Variants in DLC1 observed in about 807,000 individuals in gnomAD.
DLC1 encodes the protein rho GTPase-activating protein 7.
In DLC1, 54 loss-of-function variants were observed where a neutral mutation model predicts 140.3. The observed-to-expected ratio is 0.38, with a 90% CI of 0.31 to 0.48. DLC1 has a LOEUF of 0.48. Ranked by LOEUF, DLC1 falls within the 20% of genes least tolerant of loss-of-function variation. DLC1 has a pLI of 0.96. For missense variants in DLC1, 2,536 were observed against 1,907.0 expected, an observed-to-expected ratio of 1.33 and a Z score of -6.14; for synonymous variants, 986 against 728.1, an observed-to-expected ratio of 1.35 and a Z score of -5.70.
chr8:13,318,297 G>T (rs372707416), intron 4 of DLC1, among the ~76,000 whole-genome samples: 1 of 151,560 alleles, frequency 6.6e-6, no homozygotes, highest in South Asian at 2.1e-4. Flanking sequence ...GCTTCCCAAA[G>T]TTCTGGGATT....
rs1009701584 is a variant in DLC1 at position 13,499,618 on chromosome 8, G to A, written c.454C>T (p.Pro152Ser). 3 of 1,614,022 alleles carry A rather than the reference G, an allele frequency of 1.9e-6. No individual in the cohort carries two copies. Among genetic ancestry groups the A allele is most frequent in the African/African-American group, 2.7e-5 (2 of 74,906 alleles). ...GAAACTTGGTTACTTTGTATGATGG[G>A]CAGTGCCTTTTCTAAGGAGCCTGCT... The part of the protein sequence containing the change: ...QGAGSLEKAL[P>S]IIQSNQVSSN... The change falls in exon 2 of 18, where the codon CCC (proline) becomes TCC (serine). Residue 152 changes from proline to serine, a missense_variant. By Grantham distance (74) the Pro-to-Ser change is moderately conservative. Transcript: ENST00000276297.
chr8:13,428,927 G>A (rs1055257350), intron 2 of DLC1, among the ~76,000 whole-genome samples: 1 of 152,168 alleles, frequency 6.6e-6, no homozygotes. Context: ...CAACCTGGTG[G>A]GGTGAGAGAA....
intron 1 of DLC1, among the ~76,000 whole-genome samples, chr8:13,550,319 C>T (rs1803802624): frequency 3.3e-5 from 5 of 152,078 alleles, no homozygotes; most frequent in Admixed American, 2.0e-4. Context: ...TCCTTGCTTC[C>T]CCTTTGTCTT....
In DLC1 at chr8:13,100,144, C is replaced by A. The variant is rs765217960; in HGVS notation, c.2193G>T (p.Lys731Asn). 6.2e-7 allele frequency: 1 copy of A among 1,614,166 alleles called. No individual in the cohort carries two copies. Among genetic ancestry groups the A allele is most frequent in the African/African-American group, 1.3e-5 (1 of 75,058 alleles). The change falls in exon 9 of 18, where the codon AAG (lysine) becomes AAT (asparagine). Residue 731 changes from lysine to asparagine, a missense_variant. By Grantham distance (94) the Lys-to-Asn change is moderately conservative. Transcript: ENST00000276297. ...GNRINVPMVR[K>N]RSVSNSTQTS... ...TCTGCGTGGAGTTGGAAACGCTCCT[C>A]TTTCGTACCATGGGGACGTTGATGC...
intron 2 of DLC1, among the ~76,000 whole-genome samples, chr8:13,472,103 G>A (rs1220063218): frequency 6.6e-6 from 1 of 152,182 alleles, no homozygotes; most frequent in East Asian, 1.9e-4. Context: ...GCTACATGAG[G>A]CAGTTCCTGG....
intron 5 of DLC1, among the ~76,000 whole-genome samples, chr8:13,302,735 C>T (rs1832251631): frequency 6.7e-6 from 1 of 149,384 alleles, no homozygotes; most frequent in African/African-American, 2.5e-5. Context: ...AAATGACAGG[C>T]CTTAGGGGCG....
intron 2 of DLC1, among the ~76,000 whole-genome samples, chr8:13,472,909 T>G (rs1227416937): frequency 6.6e-6 from 1 of 152,216 alleles, no homozygotes; most frequent in Non-Finnish European, 1.5e-5. Context: ...GCACTACAGA[T>G]AATCTATCAA....
intron 4 of DLC1, among the ~76,000 whole-genome samples, chr8:13,377,170 C>G (rs573862164): frequency 6.6e-6 from 1 of 152,260 alleles, no homozygotes; most frequent in Non-Finnish European, 1.5e-5. Flanking sequence ...AGTCCAAGGG[C>G]AGCATCTTAT....
intron 5 of DLC1, among the ~76,000 whole-genome samples, chr8:13,209,104 T>A (rs1405210560): frequency 6.6e-6 from 1 of 152,164 alleles, no homozygotes; most frequent in East Asian, 1.9e-4. Context: ...AAACAAATAC[T>A]TCCTTGATAA....
At chr8:13,293,725 T>C (rs1242661037) in intron 5 of DLC1, among the ~76,000 whole-genome samples, 1 of 152,090 alleles carries the variant, frequency 6.6e-6, no homozygotes, top group Non-Finnish European at 1.5e-5. Context: ...AAAGTGCCAC[T>C]TTCAGCTGCA....
chr8:13,516,979 C>G (rs1222205056), upstream of DLC1, among the ~76,000 whole-genome samples: 2 of 152,104 alleles, frequency 1.3e-5, no homozygotes, highest in Admixed American at 1.3e-4. Context: ...CACTTAATTT[C>G]TTTATTAAAT....
intron 4 of DLC1, among the ~76,000 whole-genome samples, chr8:13,359,672 G>T (rs1163286140): frequency 6.6e-6 from 1 of 152,100 alleles, no homozygotes; most frequent in Non-Finnish European, 1.5e-5. Context: ...AAGAAATCTT[G>T]CAAAATCATT....
intron 1 of DLC1, among the ~76,000 whole-genome samples, chr8:13,576,563 A>T (rs945315701): frequency 6.6e-6 from 1 of 152,218 alleles, no homozygotes. Flanking sequence ...GTTCTGAGAG[A>T]GTCGATTGCT....
At chr8:13,537,735 G>A (rs1400118832) in intron 1 of DLC1, among the ~76,000 whole-genome samples, 1 of 139,656 alleles carries the variant, frequency 7.2e-6, no homozygotes, top group African/African-American at 2.7e-5. Context: ...CTCACTGCAA[G>A]CTCCGCCTCC....
intron 1 of DLC1, among the ~76,000 whole-genome samples, chr8:13,603,158 C>G (rs764317231): frequency 2.2e-4 from 34 of 151,732 alleles, no homozygotes; most frequent in Non-Finnish European, 4.4e-4. Context: ...TTAAGTCACA[C>G]GGAATAATAA....
At chr8:13,089,290 T>C (rs756294960) in intron 15 of DLC1, among the ~76,000 whole-genome samples, 2 of 1,922 alleles carry the variant, frequency 1.0e-3, no homozygotes, top group Non-Finnish European at 2.1e-3. Flanking sequence ...TGACATTTGT[T>C]TTTTTTTTTC....
intron 5 of DLC1, chr8:13,276,404 C>G: frequency 6.8e-7 from 1 of 1,479,838 alleles, no homozygotes; most frequent in Admixed American, 2.3e-5. Context: ...CCCCCATCCG[C>G]TCGCAGACGC....
chr8:13,183,305 A>C (rs1260719580), intron 5 of DLC1, among the ~76,000 whole-genome samples: 1 of 152,104 alleles, frequency 6.6e-6, no homozygotes. Flanking sequence ...AATACCCTTT[A>C]TTTCTTTCTC....
At chr8:13,351,811 A>G (rs913307199) in intron 4 of DLC1, among the ~76,000 whole-genome samples, 1 of 152,240 alleles carries the variant, frequency 6.6e-6, no homozygotes, top group Admixed American at 6.5e-5. Flanking sequence ...CTCAAAAGAA[A>G]TTCCAAAGGA....
Sources: gnomAD v4.1 joint callset for allele counts (sites outside exome capture counted in the v4.1 genomes callset) on GRCh38, gnomAD v4.1.1 for gene constraint, MANE v1.5 for transcripts, NCBI Gene and HGNC (gene_info 2026-07-23, HGNC 2026-07-21) for gene names.